The following DGKB variants were observed in gnomAD, a reference collection of about 807,000 sequenced individuals.
DGKB encodes diacylglycerol kinase beta.
Under a neutral mutation model 114.3 loss-of-function variants are expected in DGKB, and 67 were observed. That is an observed-to-expected ratio of 0.59 (90% CI 0.48 to 0.72). DGKB has a LOEUF of 0.72. DGKB is among the 30% of genes least tolerant of loss of function. The pLI, the probability that DGKB is intolerant of heterozygous loss-of-function variation, is 0.00. For synonymous variants in DGKB, 398 were observed against 323.1 expected, an observed-to-expected ratio of 1.23 and a Z score of -2.49; for missense variants, 907 against 975.2, an observed-to-expected ratio of 0.93 and a Z score of 0.93.
intron 17 of DGKB, among the ~76,000 whole-genome samples, chr7:14,583,685 C>G (rs903874853): frequency 5.9e-5 from 9 of 152,182 alleles, no homozygotes; most frequent in Admixed American, 3.9e-4. Context: ...GCAGGCTTCA[C>G]CTTGTATTTT....
intron 6 of DGKB, among the ~76,000 whole-genome samples, chr7:14,704,670 T>G (rs561318194): frequency 1.6e-4 from 25 of 151,544 alleles, no homozygotes; most frequent in African/African-American, 5.8e-4. Flanking sequence ...CCCTGACCCC[T>G]GAGCAGCCTA....
intron 23 of DGKB, among the ~76,000 whole-genome samples, chr7:14,259,083 C>G (rs1460873139): frequency 6.6e-6 from 1 of 152,012 alleles, no homozygotes; most frequent in African/African-American, 2.4e-5. Flanking sequence ...TAAAAAAAAG[C>G]CTTGAACACT....
chr7:14,235,027 T>A (rs915916635), intron 23 of DGKB, among the ~76,000 whole-genome samples: 3 of 152,094 alleles, frequency 2.0e-5, no homozygotes, highest in Non-Finnish European at 4.4e-5. Flanking sequence ...GGATTTAATT[T>A]TGCAGGAACC....
At chr7:14,488,249 A>C (rs1022160681) in intron 20 of DGKB, among the ~76,000 whole-genome samples, 1 of 152,158 alleles carries the variant, frequency 6.6e-6, no homozygotes, top group African/African-American at 2.4e-5. Flanking sequence ...AGAGAATATA[A>C]ATTATAAATC....
rs114476944 is a variant in DGKB at position 14,611,638 on chromosome 7, T to C, written c.1358+1702A>G. On this transcript the variant is annotated intron_variant, in intron 16 of 25. Transcript: ENST00000402815. ...AACAAAACACACGTGGATGTGTATA[T>C]AGAAGAGCTCGAAGTTGAAGCCCCC... Among the ~76,000 whole-genome samples, 228 of 152,164 alleles carry C rather than the reference T, an allele frequency of 1.5e-3. 2 individuals are homozygous for C. Among genetic ancestry groups the C allele is most frequent in the African/African-American group, 5.0e-3 (206 of 41,544 alleles).
intron 1 of DGKB, among the ~76,000 whole-genome samples, chr7:14,908,979 G>A (rs1783848468): frequency 6.6e-6 from 1 of 152,034 alleles, no homozygotes; most frequent in South Asian, 2.1e-4. Context: ...AAGTAAGGAT[G>A]CATTTCTTCA....
At chr7:14,765,287 T>C (rs761644582) in intron 2 of DGKB, among the ~76,000 whole-genome samples, 9 of 152,028 alleles carry the variant, frequency 5.9e-5, no homozygotes, top group Non-Finnish European at 1.0e-4. Context: ...CTCTACTTGT[T>C]CCTGCTAAGC....
intron 20 of DGKB, among the ~76,000 whole-genome samples, chr7:14,541,341 T>A (rs1345542344): frequency 6.6e-6 from 1 of 152,160 alleles, no homozygotes; most frequent in East Asian, 1.9e-4. Flanking sequence ...CTAAACTGCA[T>A]GAAAATATTT....
At chr7:14,662,274 T>A (rs896569406) in intron 13 of DGKB, among the ~76,000 whole-genome samples, 9 of 150,916 alleles carry the variant, frequency 6.0e-5, no homozygotes, top group African/African-American at 1.9e-4. Flanking sequence ...AAATCCAGTT[T>A]AAAAAAAAAG....
intron 25 of DGKB, among the ~76,000 whole-genome samples, chr7:14,163,397 CTAAT>C (rs1784185954): frequency 6.6e-6 from 1 of 152,124 alleles, no homozygotes; most frequent in Non-Finnish European, 1.5e-5. Context: ...GTAAACCAAA[CTAAT>C]TAATGCATAA....
intron 23 of DGKB, among the ~76,000 whole-genome samples, chr7:14,212,955 T>C (rs1477943310): frequency 6.6e-6 from 1 of 152,054 alleles, no homozygotes; most frequent in African/African-American, 2.4e-5. Flanking sequence ...TGGCAATAAT[T>C]GTCCTTTCAT....
chr7:14,436,076 C>A (rs1829209814), intron 21 of DGKB, among the ~76,000 whole-genome samples: 2 of 151,980 alleles, frequency 1.3e-5, no homozygotes, highest in Non-Finnish European at 2.9e-5. Context: ...AACTTAGATA[C>A]TATAGACTTT....
intron 23 of DGKB, among the ~76,000 whole-genome samples, chr7:14,256,279 C>G (rs1017759738): frequency 9.2e-5 from 14 of 151,904 alleles, no homozygotes; most frequent in African/African-American, 3.1e-4. Flanking sequence ...TTCTTCTTTC[C>G]TGGGACTTCT....
intron 21 of DGKB, among the ~76,000 whole-genome samples, chr7:14,359,956 A>G (rs1401479030): frequency 6.6e-6 from 1 of 152,136 alleles, no homozygotes; most frequent in Admixed American, 6.5e-5. Context: ...CAGCGATCCC[A>G]TTACTAGATA....
chr7:14,384,208 G>A (rs888387701), intron 21 of DGKB, among the ~76,000 whole-genome samples: 1 of 152,122 alleles, frequency 6.6e-6, no homozygotes, highest in Non-Finnish European at 1.5e-5. Flanking sequence ...TTTAATGATT[G>A]GTTAGTTAAA....
chr7:14,802,024 C>A (rs1300719247), intron 2 of DGKB, among the ~76,000 whole-genome samples: 2 of 151,830 alleles, frequency 1.3e-5, no homozygotes, highest in Admixed American at 1.3e-4. Context: ...GAGAAACACA[C>A]AAATATATGC....
chr7:14,210,862 C>T (rs1464090708), intron 23 of DGKB, among the ~76,000 whole-genome samples: 1 of 152,036 alleles, frequency 6.6e-6, no homozygotes, highest in African/African-American at 2.4e-5. Context: ...CTGTCTTTGA[C>T]TTTATAAAGC....
intron 14 of DGKB, among the ~76,000 whole-genome samples, chr7:14,625,791 A>T (rs1343128246): frequency 2.0e-5 from 3 of 152,210 alleles, no homozygotes; most frequent in African/African-American, 7.2e-5. Flanking sequence ...ACTAAAAAAA[A>T]GTCATGAAAG....
intron 4 of DGKB, among the ~76,000 whole-genome samples, chr7:14,751,977 T>C (rs895102979): frequency 6.6e-6 from 1 of 152,206 alleles, no homozygotes; most frequent in Non-Finnish European, 1.5e-5. Context: ...GACACAGAGC[T>C]ATTTATTATA....
Sources: allele counts gnomAD v4.1 joint callset (sites outside exome capture counted in the v4.1 genomes callset), GRCh38; gene constraint gnomAD v4.1.1; transcripts MANE v1.5; gene names NCBI Gene and HGNC (gene_info 2026-07-23, HGNC 2026-07-21).